Variants in SPTAN1 observed in about 807,000 individuals in gnomAD.
SPTAN1 encodes spectrin alpha, non-erythrocytic 1.
Under a neutral mutation model 331.3 loss-of-function variants are expected in SPTAN1, and 61 were observed. The observed-to-expected ratio is 0.18, with a 90% CI of 0.15 to 0.23. The LOEUF (loss-of-function observed/expected upper bound fraction) is 0.23, where lower values mean the gene tolerates loss of function less well. Ranked by LOEUF, SPTAN1 falls within the 10% of genes least tolerant of loss-of-function variation. The pLI, the probability that SPTAN1 is intolerant of heterozygous loss-of-function variation, is 1.00. For synonymous variants in SPTAN1, 1,153 were observed against 1,173.9 expected, an observed-to-expected ratio of 0.98 and a Z score of 0.36; for missense variants, 2,043 against 3,147.9, an observed-to-expected ratio of 0.65 and a Z score of 8.40.
At chr9:128,611,497 T>G in intron 37 of SPTAN1, 1 of 565,502 alleles carries the variant, frequency 1.8e-6, no homozygotes, top group Non-Finnish European at 3.1e-6. Context: ...GTTCATCTAC[T>G]CCTGAGCTAG....
intron 1 of SPTAN1, among the ~76,000 whole-genome samples, chr9:128,556,033 A>C (rs953271994): frequency 1.3e-5 from 2 of 152,112 alleles, no homozygotes; most frequent in Admixed American, 6.5e-5. Context: ...CAGCCTGGCC[A>C]ACATAGTGAA....
chr9:128,583,059 C>G lies in SPTAN1; in HGVS notation c.1807-18C>G. On this transcript the variant is annotated intron_variant, in intron 14 of 56. Coordinates refer to ENST00000372739, the MANE Select transcript of SPTAN1 (RefSeq NM_001130438.3). ...TCTCAGGTTCAAGATAGAAAGAACC[C>G]CCTTCTTTTATTCACAGGATCCATC... is the stretch of plus-strand genomic sequence containing the variant. 6.2e-7 allele frequency: 1 copy of G among 1,611,878 alleles called. No individual in the cohort carries two copies. Among genetic ancestry groups the G allele is most frequent in the Non-Finnish European group, 8.5e-7 (1 of 1,178,286 alleles).
Position 128,584,747 on chromosome 9 carries a change from C to T in SPTAN1, c.2464C>T (p.Leu822=), listed in dbSNP as rs765706270. Residue 822 remains leucine (L), a synonymous_variant, in exon 18 of 57, where the codon CTG becomes TTG. Coordinates refer to ENST00000372739, the MANE Select transcript of SPTAN1 (RefSeq NM_001130438.3). ...TAAGGATTTAATTGGGGTCCAGAAT[C>T]TGCTAAAGAAACATCAAGCCTTACA... ...RGKDLIGVQN[L]LKKHQALQAE... is the part of the protein sequence containing the mutation. The T allele has an allele frequency of 3.1e-6, 5 of 1,614,210 alleles. No individual in the cohort carries two copies. In the Admixed American group the frequency reaches 5.0e-5, roughly 16 times the overall value.
At chr9:128,590,117 A>G (rs764024471) in intron 21 of SPTAN1, among the ~76,000 whole-genome samples, 25 of 152,212 alleles carry the variant, frequency 1.6e-4, no homozygotes, top group Non-Finnish European at 3.1e-4. Context: ...GGCTGGAGAA[A>G]TGTCCTTGGC....
chr9:128,555,445 C>G, intron 1 of SPTAN1: 1 of 1,283,540 alleles, frequency 7.8e-7, no homozygotes, highest in Non-Finnish European at 1.0e-6. Flanking sequence ...TTGGTTTTGC[C>G]TGGCTTGCAG....
In SPTAN1 at chr9:128,588,952, CAG is replaced by C. The variant is rs772065617; in HGVS notation, c.3006+14_3006+15del. The C allele has an allele frequency of 1.9e-6, 3 of 1,613,640 alleles. No individual in the cohort carries two copies. The highest frequency in any genetic ancestry group is 1.3e-5 in the African/African-American group (1 of 74,896). On this transcript the variant is annotated intron_variant, in intron 21 of 56. Transcript: ENST00000372739. ...TCAACAGCACCAACAAGGCAAGGCA[CAG>C]AGAGTGGCTGTGTGTTTGTTCCACG...
At chr9:128,597,637 GTTTGT>G (rs1354841259) in intron 24 of SPTAN1, among the ~76,000 whole-genome samples, 4 of 151,680 alleles carry the variant, frequency 2.6e-5, no homozygotes, top group Non-Finnish European at 5.9e-5. Context: ...AGCTTTTTTT[GTTTGT>G]TTTGTTTTGT....
At chr9:128,612,810 C>T (rs1288473518) in intron 39 of SPTAN1, among the ~76,000 whole-genome samples, 2 of 152,104 alleles carry the variant, frequency 1.3e-5, no homozygotes, top group Non-Finnish European at 2.9e-5. Context: ...CCTGTAATCC[C>T]AGCTACTCAG....
In SPTAN1 at chr9:128,624,455, A is replaced by C. The variant is rs768166158; in HGVS notation, c.5960A>C (p.Asn1987Thr). ...GAGAACTCGGCCTTCCTTCAGTTCA[A>C]CTGGAAGGCGGACGTGGTGGAGTCC... Reference protein sequence around the residue: ...LDENSAFLQFNWKADVVESWI... With the variant: ...LDENSAFLQFTWKADVVESWI... Residue 1987 changes from asparagine to threonine, a missense_variant, in exon 46 of 57, where the codon AAC (asparagine) becomes ACC (threonine). By Grantham distance (65) the Asn-to-Thr change is moderately conservative. This residue lies in a region of SPTAN1 where 323 missense variants were observed against 581.1 expected (regional missense o/e 0.56). Transcript: ENST00000372739. 6.2e-7 allele frequency: 1 copy of C among 1,613,810 alleles called. No individual in the cohort carries two copies.
intron 31 of SPTAN1, among the ~76,000 whole-genome samples, chr9:128,606,485 AT>A (rs1855889350): frequency 1.3e-4 from 4 of 30,816 alleles, no homozygotes; most frequent in Non-Finnish European, 2.7e-4. Flanking sequence ...ATATATATAT[AT>A]ATTTTTTTTT....
At chr9:128,596,694 TTTTA>T (rs1363733017) in intron 24 of SPTAN1, 1 of 152,190 alleles carries the variant, frequency 6.6e-6, no homozygotes, top group African/African-American at 2.4e-5. Flanking sequence ...TTTATCTCGT[TTTTA>T]TTTATTTTTT....
At chr9:128,601,007 G>A (rs1458803775) in intron 27 of SPTAN1, among the ~76,000 whole-genome samples, 27 of 6,002 alleles carry the variant, frequency 4.5e-3, no homozygotes, top group East Asian at 0.032. Context: ...TTTTTGAGAC[G>A]GAGTCTCGCT....
intron 16 of SPTAN1, 33 bp from the exon 17 acceptor site, chr9:128,584,249 A>C: frequency 6.2e-7 from 1 of 1,614,070 alleles, no homozygotes; most frequent in Non-Finnish European, 8.5e-7. Flanking sequence ...CCACACCCAA[A>C]GTAAAGTCTG....
intron 3 of SPTAN1, among the ~76,000 whole-genome samples, chr9:128,569,383 A>G (rs538937597): frequency 1.8e-4 from 27 of 152,152 alleles, no homozygotes; most frequent in Middle Eastern, 3.4e-3. Flanking sequence ...TGTGGCACCT[A>G]TTGGTCAATG....
intron 41 of SPTAN1, 28 bp downstream of exon 41, chr9:128,615,868 C>T (rs1284209865): frequency 1.2e-6 from 2 of 1,610,772 alleles, no homozygotes; most frequent in Non-Finnish European, 1.7e-6. Context: ...TCTAGAAGGC[C>T]CCTTACGCCT....
At chr9:128,595,385 C>T (rs1854133829) in intron 24 of SPTAN1, among the ~76,000 whole-genome samples, 1 of 152,160 alleles carries the variant, frequency 6.6e-6, no homozygotes, top group South Asian at 2.1e-4. Flanking sequence ...GCTGGGATTA[C>T]AGGCATGAGC....
intron 40 of SPTAN1, among the ~76,000 whole-genome samples, chr9:128,614,509 G>A (rs1856913799): frequency 6.6e-6 from 1 of 151,912 alleles, no homozygotes; most frequent in African/African-American, 2.4e-5. Context: ...AGAATTGCTT[G>A]AGCCCGGGAG....
chr9:128,566,876 T>C lies in SPTAN1; in HGVS notation c.136T>C (p.Phe46Leu). 2 of 1,614,200 alleles carry C rather than the reference T, an allele frequency of 1.2e-6. No individual in the cohort carries two copies. Among genetic ancestry groups the C allele is most frequent in the Non-Finnish European group, 1.7e-6 (2 of 1,180,038 alleles). Residue 46 changes from phenylalanine to leucine, a missense_variant, in exon 2 of 57, where the codon TTC becomes CTC. Transcript: ENST00000372739. ...TCAGAAGCTGGAAGATTCCTATCGA[T>C]TCCAGTTCTTTCAAAGAGATGCTGA... ...RRQKLEDSYR[F>L]QFFQRDAEEL...
Position 128,596,882 on chromosome 9 carries a change from G to A in SPTAN1, c.3415-1518G>A, listed in dbSNP as rs890032941. Among the ~76,000 whole-genome samples the A allele has an allele frequency of 6.6e-5, 10 of 152,114 alleles. No homozygotes were observed. In the East Asian group the frequency reaches 1.4e-3, roughly 21 times the overall value. On this transcript the variant is annotated intron_variant, in intron 24 of 56. Transcript: ENST00000372739. Reference sequence around the variant, plus strand: ...TATAATTGAAAAAATTTTTCTGGCCGGGCCCAGTGGCGCATGCCTGTAATC... The same window carrying A: ...TATAATTGAAAAAATTTTTCTGGCCAGGCCCAGTGGCGCATGCCTGTAATC...
Sources: gnomAD v4.1 joint callset for allele counts (sites outside exome capture counted in the v4.1 genomes callset) on GRCh38, gnomAD v4.1.1 for gene constraint, gnomAD v4.1.1 regional missense constraint, MANE v1.5 for transcripts, NCBI Gene and HGNC (gene_info 2026-07-23, HGNC 2026-07-21) for gene names.